Variants in DSEL observed in about 807,000 individuals in gnomAD.
DSEL encodes the protein dermatan sulfate epimerase like.
Under a neutral mutation model 96.6 loss-of-function variants are expected in DSEL, and 61 were observed. That is an observed-to-expected ratio of 0.63 (90% CI 0.51 to 0.78). DSEL has a LOEUF of 0.78. DSEL is among the 30% of genes least tolerant of loss of function. The pLI is 0.00. For missense variants in DSEL, 1,320 were observed against 1,430.8 expected, an observed-to-expected ratio of 0.92 and a Z score of 1.25; for synonymous variants, 514 against 502.0, an observed-to-expected ratio of 1.02 and a Z score of -0.32.
Position 67,510,963 on chromosome 18 carries a change from G to A in DSEL, c.*7C>T. Reference sequence around the variant, plus strand: ...TATTAGTGCAAATTTCTGCTGACCTGCAGCATTTAGTCCATAAACTTTGGA... The same window carrying A: ...TATTAGTGCAAATTTCTGCTGACCTACAGCATTTAGTCCATAAACTTTGGA... On this transcript the variant is annotated 3_prime_UTR_variant, in exon 2 of 2. Transcript: ENST00000310045. 1 of 1,550,812 alleles carries A rather than the reference G, an allele frequency of 6.4e-7. No individual in the cohort carries two copies. The highest frequency in any genetic ancestry group is 8.7e-7 in the Non-Finnish European group (1 of 1,154,174).
At position 67,507,589 on chromosome 18, in the gene DSEL, T is replaced by C. The variant is rs531687626; in HGVS notation, c.*3381A>G. The C allele has an allele frequency of 6.6e-6, 1 of 152,316 alleles. No individual in the cohort carries two copies. Among genetic ancestry groups the C allele is most frequent in the Admixed American group, 6.5e-5 (1 of 15,294 alleles). The allele number at this position is 152,316 out of a possible 1,614,324, so 9.4% of individuals were successfully genotyped here. A position where few individuals can be genotyped will look rare whatever the true frequency, so the allele number is the denominator to read the frequency against. ...GATACTTGGTGATGTACAGAAATCG[T>C]TGCTGAACAATTATGCCAACCAAAA... is the stretch of plus-strand genomic sequence containing the variant. On this transcript the variant is annotated 3_prime_UTR_variant, in exon 2 of 2. Transcript: ENST00000310045.
At position 67,513,699 on chromosome 18, in the gene DSEL, C is replaced by A. The variant is rs756260454; in HGVS notation, c.910G>T (p.Asp304Tyr). ...AQRHFNINNL[D>Y]NNWLKMHFWF... is the part of the protein sequence containing the mutation. ...AAGTGCATCTTTAACCAGTTATTAT[C>A]CAAGTTGTTGATATTAAAATGGCGC... The change falls in exon 2 of 2, where the codon GAT becomes TAT. Residue 304 changes from aspartate to tyrosine, a missense_variant. Physicochemically the swap from Asp to Tyr is radical, Grantham distance 160. Transcript: ENST00000310045. 2.3e-5 allele frequency: 37 copies of A among 1,614,028 alleles called. No homozygotes were observed. The highest frequency in any genetic ancestry group is 2.9e-5 in the Non-Finnish European group (34 of 1,180,046).
chr18:67,516,013 C>A lies in DSEL; in HGVS notation c.-885+348G>T, dbSNP rs1216131216. Reference sequence around the variant, plus strand: ...CAGTCACTTTTCTCGGCGGGGTAACCGCGAATCGTGACCAGGCGCCAAGCC... The same window carrying A: ...CAGTCACTTTTCTCGGCGGGGTAACAGCGAATCGTGACCAGGCGCCAAGCC... On this transcript the variant is annotated intron_variant, in intron 1 of 1. Coordinates refer to ENST00000310045, the MANE Select transcript of DSEL (RefSeq NM_032160.3). This position sits in a 1 kb window ranked among gnomAD's most constrained non-coding sequence, Gnocchi z 5.6. Among the ~76,000 whole-genome samples the A allele has an allele frequency of 6.6e-6, 1 of 151,690 alleles. No individual in the cohort carries two copies. Among genetic ancestry groups the A allele is most frequent in the African/African-American group, 2.4e-5 (1 of 41,272 alleles).
Position 67,506,852 on chromosome 18 carries a change from G to C in DSEL, c.*4118C>G, listed in dbSNP as rs1018372452. ...TAGCTCAAACATCTCAAGTGTTTCA[G>C]AGAATGTTAGAATCTATTGTTTGAA... is the stretch of plus-strand genomic sequence containing the variant. On this transcript the variant is annotated 3_prime_UTR_variant, in exon 2 of 2. Coordinates refer to ENST00000310045, the MANE Select transcript of DSEL (RefSeq NM_032160.3). 1 of 152,152 alleles carries C rather than the reference G, an allele frequency of 6.6e-6. No homozygotes were observed. The highest frequency in any genetic ancestry group is 1.5e-5 in the Non-Finnish European group (1 of 68,034). 9.4% of individuals were successfully genotyped at this position (152,152 alleles called of 1,614,324 possible).
In DSEL at chr18:67,513,889, T is replaced by C. The variant is rs753985730; in HGVS notation, c.720A>G (p.Gly240=). The part of the protein sequence containing the change: ...IALLTGALVT[G]VDKGSKANIW... ...TATTTGCTTTAGATCCTTTATCTACTCCAGTCACCAAGGCCCCTGTGAGTA... is the reference window on the plus strand; with the variant it reads ...TATTTGCTTTAGATCCTTTATCTACCCCAGTCACCAAGGCCCCTGTGAGTA... The change falls in exon 2 of 2, where the codon GGA becomes GGG. Residue 240 remains glycine, a synonymous_variant. Coordinates refer to ENST00000310045, the MANE Select transcript of DSEL (RefSeq NM_032160.3). 3.0e-5 allele frequency: 48 copies of C among 1,614,076 alleles called. 1 individual carries two copies. The highest frequency in any genetic ancestry group is 4.1e-5 in the Non-Finnish European group (48 of 1,180,032).
Position 67,514,414 on chromosome 18 carries a change from T to C in DSEL, c.195A>G (p.Leu65=), listed in dbSNP as rs775553761. The C allele has an allele frequency of 1.2e-6, 2 of 1,614,160 alleles. No individual in the cohort carries two copies. Among genetic ancestry groups the C allele is most frequent in the Admixed American group, 1.7e-5 (1 of 60,034 alleles). The change falls in exon 2 of 2, where the codon TTA becomes TTG. Residue 65 remains leucine (L), a synonymous_variant. Transcript: ENST00000310045. ...KLKKSMLHPS[L]YFDAGEIQAM... is the part of the protein sequence containing the mutation. ...CTTGGATTTCTCCAGCATCAAAATA[T>C]AAACTTGGATGAAGCATACTTTTCT...
chr18:67,513,764 T>C lies in DSEL; in HGVS notation c.845A>G (p.Tyr282Cys). ...ATACTGTGTGACGGATTTAGCTGTG[T>C]AGCTTCCATAGGCCACACCTTCATC... ...SLDEGVAYGS[Y>C]TAKSVTQYVF... Residue 282 changes from tyrosine (Y) to cysteine (C), a missense_variant, in exon 2 of 2, where the codon TAC becomes TGC. Coordinates refer to ENST00000310045, the MANE Select transcript of DSEL (RefSeq NM_032160.3). 1 of 1,614,242 alleles carries C rather than the reference T, an allele frequency of 6.2e-7. No individual in the cohort carries two copies. The highest frequency in any genetic ancestry group is 1.1e-5 in the South Asian group (1 of 91,088).
chr18:67,513,695 T>C lies in DSEL; in HGVS notation c.914A>G (p.Asn305Ser), dbSNP rs1456936757. Reference sequence around the variant, plus strand: ...CCAAAAGTGCATCTTTAACCAGTTATTATCCAAGTTGTTGATATTAAAATG... The same window carrying C: ...CCAAAAGTGCATCTTTAACCAGTTACTATCCAAGTTGTTGATATTAAAATG... ...QRHFNINNLD[N>S]NWLKMHFWFY... The change falls in exon 2 of 2, where the codon AAT (asparagine) becomes AGT (serine). Residue 305 changes from asparagine to serine, a missense_variant. This residue lies in a region of DSEL where 11 missense variants were observed against 31.2 expected (regional missense o/e 0.35). Transcript: ENST00000310045. 1 of 1,614,114 alleles carries C rather than the reference T, an allele frequency of 6.2e-7. No individual in the cohort carries two copies. Among genetic ancestry groups the C allele is most frequent in the Non-Finnish European group, 8.5e-7 (1 of 1,180,046 alleles).
rs1049696530 is a variant in DSEL at position 67,516,550 on chromosome 18, G to T, written c.-1074C>A. 6.6e-6 allele frequency: 1 copy of T among 152,458 alleles called. No homozygotes were observed. Among genetic ancestry groups the T allele is most frequent in the African/African-American group, 2.4e-5 (1 of 41,436 alleles). 9.4% of individuals were successfully genotyped at this position (152,458 alleles called of 1,614,324 possible). A position where few individuals can be genotyped will look rare whatever the true frequency, so the allele number is the denominator to read the frequency against. The stretch of plus-strand genomic sequence containing the variant: ...CTCCTCAGCCGCGCTCGGTCCCCGC[G>T]ACCCGCACGGCCCGGACACGCCCGC... On this transcript the variant is annotated 5_prime_UTR_variant, in exon 1 of 2. Coordinates refer to ENST00000310045, the MANE Select transcript of DSEL (RefSeq NM_032160.3). The surrounding 1 kb of genome is among the most constrained non-coding windows in gnomAD (Gnocchi z 5.6).
In DSEL at chr18:67,511,507, C is replaced by T; in HGVS notation, c.3102G>A (p.Arg1034=). The part of the protein sequence containing the change: ...MRALYIVRDP[R]AWIYSMLYNS... ...TGTACAACATTGAATAAATCCATGC[C>T]CGAGGGTCTCTTACTATGTACAATG... The change falls in exon 2 of 2, where the codon CGG becomes CGA. Residue 1034 remains arginine, a synonymous_variant. Transcript: ENST00000310045. 6.2e-7 allele frequency: 1 copy of T among 1,613,328 alleles called. No homozygotes were observed. Among genetic ancestry groups the T allele is most frequent in the Non-Finnish European group, 8.5e-7 (1 of 1,180,020 alleles).
rs2089417013 is a variant in DSEL, at chr18:67,507,512, A to C, written c.*3458T>G. 6.6e-6 allele frequency: 1 copy of C among 152,206 alleles called. No individual in the cohort carries two copies. Among genetic ancestry groups the C allele is most frequent in the Non-Finnish European group, 1.5e-5 (1 of 68,040 alleles). The allele number at this position is 152,206 out of a possible 1,614,324, so 9.4% of individuals were successfully genotyped here. A position where few individuals can be genotyped will look rare whatever the true frequency, so the allele number is the denominator to read the frequency against. On this transcript the variant is annotated 3_prime_UTR_variant, in exon 2 of 2. Coordinates refer to ENST00000310045, the MANE Select transcript of DSEL (RefSeq NM_032160.3). ...ACAAAGCAATTCAAAAATTATCATT[A>C]ATATTTACTCACTTAAAATTGTGAT... is the stretch of plus-strand genomic sequence containing the variant.
rs143334635 is a variant in DSEL, at chr18:67,511,836, A to C, written c.2773T>G (p.Ser925Ala). 8 of 1,614,180 alleles carry C rather than the reference A, an allele frequency of 5.0e-6. No homozygotes were observed. The African/African-American group carries it at 1.1e-4, about 22-fold the overall frequency. Reference sequence around the variant, plus strand: ...TGTAATTTTGTGTCCTGGACTAAAGACTGCAACCAGCCTCGGAGTAAACGA... The same window carrying C: ...TGTAATTTTGTGTCCTGGACTAAAGCCTGCAACCAGCCTCGGAGTAAACGA... ...HFRLLRGWLQ[S>A]LVQDTKLHLQ... The change falls in exon 2 of 2, where the codon TCT (serine) becomes GCT (alanine). Residue 925 changes from serine to alanine, a missense_variant. Physicochemically the swap from Ser to Ala is moderately conservative, Grantham distance 99. This residue lies in a region of DSEL where 986 missense variants were observed against 1,066.4 expected (regional missense o/e 0.92). Transcript: ENST00000310045.
rs753646610 is a variant in DSEL at position 67,514,690 on chromosome 18, T to C, written c.-82A>G. 18 of 1,439,834 alleles carry C rather than the reference T, an allele frequency of 1.3e-5. No individual in the cohort carries two copies. Among genetic ancestry groups the C allele is most frequent in the Admixed American group, 2.0e-5 (1 of 50,514 alleles). The allele number at this position is 1,439,834 out of a possible 1,614,324, so 89.2% of individuals were successfully genotyped here. On this transcript the variant is annotated 5_prime_UTR_variant, in exon 2 of 2. An upstream start codon of the reference 5' UTR is lost. Coordinates refer to ENST00000310045, the MANE Select transcript of DSEL (RefSeq NM_032160.3). ...TTTCCCATCTGGTTAGTATAAAACATACAGTAAAGGCCTTGATAAGACAAA... is the reference window on the plus strand; with the variant it reads ...TTTCCCATCTGGTTAGTATAAAACACACAGTAAAGGCCTTGATAAGACAAA...
In DSEL at chr18:67,513,232, C is replaced by G; in HGVS notation, c.1377G>C (p.Gly459=). The G allele has an allele frequency of 1.2e-6, 2 of 1,614,178 alleles. No homozygotes were observed. The highest frequency in any genetic ancestry group is 1.7e-6 in the Non-Finnish European group (2 of 1,180,030). The change falls in exon 2 of 2, where the codon GGG becomes GGC. Residue 459 remains glycine, a synonymous_variant. Coordinates refer to ENST00000310045, the MANE Select transcript of DSEL (RefSeq NM_032160.3). The part of the protein sequence containing the change: ...VHFQPYSWID[G]WRSFNPGHEH... ...CATGTCCTGGGTTAAAACTTCTCCACCCATCAATCCAGGAATATGGCTGAA... is the reference window on the plus strand; with the variant it reads ...CATGTCCTGGGTTAAAACTTCTCCAGCCATCAATCCAGGAATATGGCTGAA...
Position 67,514,329 on chromosome 18 carries a change from C to T in DSEL, c.280G>A (p.Val94Met). 6.2e-7 allele frequency: 1 copy of T among 1,614,246 alleles called. No homozygotes were observed. Among genetic ancestry groups the T allele is most frequent in the Non-Finnish European group, 8.5e-7 (1 of 1,180,034 alleles). The change falls in exon 2 of 2, where the codon GTG becomes ATG. Residue 94 changes from valine (V) to methionine (M), a missense_variant. Transcript: ENST00000310045. ...GTTGGGTTGGACAGCATAACTGTCA[C>T]TGCACTTCTGATAGCTCTAAAAAGA... is the stretch of plus-strand genomic sequence containing the variant. ...LHLFRAIRSA[V>M]TVMLSNPTYY...
rs992848038 is a variant in DSEL, at chr18:67,512,001, G to A, written c.2608C>T (p.Gln870Ter). 1.2e-6 allele frequency: 2 copies of A among 1,614,000 alleles called. No homozygotes were observed. The highest frequency in any genetic ancestry group is 2.7e-5 in the African/African-American group (2 of 74,926). Residue 870 changes from glutamine (Q) to a stop codon, truncating the protein, a stop_gained, in exon 2 of 2, where the codon CAA becomes TAA. Transcript: ENST00000310045. LOFTEE classifies it high-confidence loss of function. Reference sequence around the variant, plus strand: ...AAATCACTACTGTTGAAAAAAAGTTGTTTGAGAATTTCAGCTCCTGAACCA... The same window carrying A: ...AAATCACTACTGTTGAAAAAAAGTTATTTGAGAATTTCAGCTCCTGAACCA... ...LPGSGAEILKQLFFNSSDFLY... is the reference protein window; with the variant it reads ...LPGSGAEILK
At position 67,512,964 on chromosome 18, in the gene DSEL, T is replaced by C. The variant is rs988446363; in HGVS notation, c.1645A>G (p.Met549Val). 3.7e-6 allele frequency: 6 copies of C among 1,614,040 alleles called. No individual in the cohort carries two copies. Among genetic ancestry groups the C allele is most frequent in the African/African-American group, 1.3e-5 (1 of 74,902 alleles). Residue 549 changes from methionine (M) to valine (V), a missense_variant, in exon 2 of 2, where the codon ATG (methionine) becomes GTG (valine). Met to Val is a conservative substitution (Grantham distance 21). Around this residue, in one of 3 missense-constraint regions of DSEL, gnomAD observed 986 missense variants for 1,066.4 expected, o/e 0.92. Coordinates refer to ENST00000310045, the MANE Select transcript of DSEL (RefSeq NM_032160.3). ...ACGGCTTCCCCACTCACAAATACCATTTCCCCATGTTGAGAGGCAGTGATT... is the reference window on the plus strand; with the variant it reads ...ACGGCTTCCCCACTCACAAATACCACTTCCCCATGTTGAGAGGCAGTGATT... ...EIITASQHGEMVFVSGEAVSA... is the reference protein window; with the variant it reads ...EIITASQHGEVVFVSGEAVSA...
chr18:67,510,866 GCA>G lies in DSEL; in HGVS notation c.*102_*103del, dbSNP rs3073946. ...AACAACACTGAACACATACACGCGT[GCA>G]CACACACACACACACTAAAGAATAA... On this transcript the variant is annotated 3_prime_UTR_variant, in exon 2 of 2. Coordinates refer to ENST00000310045, the MANE Select transcript of DSEL (RefSeq NM_032160.3). 1.9e-3 allele frequency: 1,351 copies of G among 705,286 alleles called. No homozygotes were observed. The highest frequency in any genetic ancestry group is 3.8e-3 in the South Asian group (176 of 46,320). The allele number at this position is 705,286 out of a possible 1,614,324, so 43.7% of individuals were successfully genotyped here.
At position 67,512,321 on chromosome 18, in the gene DSEL, C is replaced by T. The variant is rs1363223314; in HGVS notation, c.2288G>A (p.Arg763Lys). Reference sequence around the variant, plus strand: ...TTTAAATCCAAAGGGGAAAATAATCCTATCATGTCTTACAGGCTTTACTAT... The same window carrying T: ...TTTAAATCCAAAGGGGAAAATAATCTTATCATGTCTTACAGGCTTTACTAT... ...QAIVKPVRHD[R>K]IIFPFGFKFN... The change falls in exon 2 of 2, where the codon AGG becomes AAG. Residue 763 changes from arginine (R) to lysine (K), a missense_variant. Physicochemically the swap from Arg to Lys is conservative, Grantham distance 26. Transcript: ENST00000310045. 1.2e-6 allele frequency: 2 copies of T among 1,614,032 alleles called. No homozygotes were observed. The highest frequency in any genetic ancestry group is 1.7e-6 in the Non-Finnish European group (2 of 1,180,044).
Sources: allele counts gnomAD v4.1 joint callset (sites outside exome capture counted in the v4.1 genomes callset), GRCh38; gene constraint gnomAD v4.1.1; regional missense constraint gnomAD v4.1.1; non-coding constraint Gnocchi (gnomAD v3.1); transcripts MANE v1.5; gene names NCBI Gene and HGNC (gene_info 2026-07-23, HGNC 2026-07-21).